The following EFR3B variants were observed in gnomAD, a reference collection of about 807,000 sequenced individuals.
EFR3B encodes the protein protein EFR3 homolog B.
A neutral mutation model predicts 104.7 loss-of-function variants in EFR3B; 64 were observed. That is an observed-to-expected ratio of 0.61 (90% CI 0.50 to 0.75). The LOEUF (loss-of-function observed/expected upper bound fraction) is 0.75. EFR3B is among the 30% of genes least tolerant of loss of function. The pLI is 0.00. For synonymous variants in EFR3B, 385 were observed against 417.9 expected, an observed-to-expected ratio of 0.92 and a Z score of 0.96; for missense variants, 750 against 1,078.5, an observed-to-expected ratio of 0.70 and a Z score of 4.27.
At chr2:25,139,719 CCTTTT>C (rs1372572374) in intron 16 of EFR3B, among the ~76,000 whole-genome samples, 1 of 152,308 alleles carries the variant, frequency 6.6e-6, no homozygotes, top group African/African-American at 2.4e-5. Context: ...TCATCTGTCT[CCTTTT>C]CTTTTCCTTT....
intron 6 of EFR3B, among the ~76,000 whole-genome samples, chr2:25,128,956 G>C (rs1401854339): frequency 1.5e-5 from 1 of 67,930 alleles, no homozygotes; most frequent in Non-Finnish European, 2.6e-5. Flanking sequence ...GCGAGACTCC[G>C]TCTCAAAAAA....
rs1336672602 is a variant in EFR3B at position 25,153,719 on chromosome 2, T to C, written c.2306T>C (p.Leu769Pro). 6.4e-7 allele frequency: 1 copy of C among 1,551,592 alleles called. No homozygotes were observed. Among genetic ancestry groups the C allele is most frequent in the Non-Finnish European group, 8.7e-7 (1 of 1,147,004 alleles). The change falls in exon 22 of 23, where the codon CTG (leucine) becomes CCG (proline). Residue 769 changes from leucine (L) to proline (P), a missense_variant. Physicochemically the swap from Leu to Pro is moderately conservative, Grantham distance 98. Transcript: ENST00000403714. ...CCGTGTGTTTGTGTCTAGGCATCGCTGCTCCAGAGCAAACTCAATCAGATC... is the reference window on the plus strand; with the variant it reads ...CCGTGTGTTTGTGTCTAGGCATCGCCGCTCCAGAGCAAACTCAATCAGATC... Reference protein sequence around the residue: ...IAAHCGARASLLQSKLNQIFE... With the variant: ...IAAHCGARASPLQSKLNQIFE...
chr2:25,140,111 G>A lies in EFR3B; in HGVS notation c.1854+921G>A, dbSNP rs778273147. 1.2e-4 allele frequency among the ~76,000 whole-genome samples: 18 copies of A among 152,198 alleles called. No individual in the cohort carries two copies. In the Middle Eastern group the frequency reaches 0.01, roughly 86 times the overall value. ...GTGGATCACTTGAGATCAGGAGTTC[G>A]AGACCAGCCTGGGCAACATGGTGAA... On this transcript the variant is annotated intron_variant, in intron 16 of 22. Coordinates refer to ENST00000403714, the MANE Select transcript of EFR3B (RefSeq NM_014971.2).
At chr2:25,122,258 C>T (rs1573218327) in intron 5 of EFR3B, among the ~76,000 whole-genome samples, 3 of 152,090 alleles carry the variant, frequency 2.0e-5, no homozygotes, top group African/African-American at 7.2e-5. Flanking sequence ...GGAGCCACTA[C>T]ACCCGGCCCC....
rs1671161621 is a variant in EFR3B, at chr2:25,156,137, G to A, written c.*1797G>A. 6.6e-6 allele frequency: 1 copy of A among 152,148 alleles called. No individual in the cohort carries two copies. Among genetic ancestry groups the A allele is most frequent in the Non-Finnish European group, 1.5e-5 (1 of 68,056 alleles). The allele number at this position is 152,148 out of a possible 1,614,324, so 9.4% of individuals were successfully genotyped here. ...GGTGGATGTATTTTCCAGAATCGGG[G>A]AGGGACTGAACACGAGCATTTCCCA... is the stretch of plus-strand genomic sequence containing the variant. On this transcript the variant is annotated 3_prime_UTR_variant, in exon 23 of 23. Coordinates refer to ENST00000403714, the MANE Select transcript of EFR3B (RefSeq NM_014971.2).
intron 4 of EFR3B, among the ~76,000 whole-genome samples, chr2:25,104,005 TAAA>T (rs1669497623): frequency 6.6e-6 from 1 of 151,218 alleles, no homozygotes; most frequent in Non-Finnish European, 1.5e-5. Flanking sequence ...AGATATATAA[TAAA>T]ATAATTTTTA....
At chr2:25,108,652 TCAAAAG>T (rs1355483109) in intron 4 of EFR3B, among the ~76,000 whole-genome samples, 1 of 152,158 alleles carries the variant, frequency 6.6e-6, no homozygotes. Flanking sequence ...AGATATGATA[TCAAAAG>T]CAAAAGCAAT....
chr2:25,131,972 G>A lies in EFR3B; in HGVS notation c.1147+61G>A, dbSNP rs1670353197. ...CGAGGCGCGGAGTGGGGAGGGGAGG[G>A]GAGGGACGGGACGGGGCCCAGGGGC... On this transcript the variant is annotated intron_variant, in intron 10 of 22. Transcript: ENST00000403714. This position sits in a 1 kb window ranked among gnomAD's most constrained non-coding sequence, Gnocchi z 7.6. 2 of 1,217,730 alleles carry A rather than the reference G, an allele frequency of 1.6e-6. No individual in the cohort carries two copies. Among genetic ancestry groups the A allele is most frequent in the Non-Finnish European group, 2.1e-6 (2 of 937,528 alleles). The allele number at this position is 1,217,730 out of a possible 1,614,324, so 75.4% of individuals were successfully genotyped here.
In EFR3B at chr2:25,130,731, C is replaced by T; in HGVS notation, c.849+101C>T. ...AAGCCAGAAGTCCCCTGTGACTCCT[C>T]CGAAGCCCCCAGTTGCCGAAACCAG... is the stretch of plus-strand genomic sequence containing the variant. On this transcript the variant is annotated intron_variant, in intron 8 of 22. Transcript: ENST00000403714. This position sits in a 1 kb window ranked among gnomAD's most constrained non-coding sequence, Gnocchi z 4.6. 4 of 1,102,300 alleles carry T rather than the reference C, an allele frequency of 3.6e-6. No individual in the cohort carries two copies. Among genetic ancestry groups the T allele is most frequent in the Non-Finnish European group, 5.4e-6 (4 of 744,880 alleles). 68.3% of individuals were successfully genotyped at this position (1,102,300 alleles called of 1,614,324 possible). A position where few individuals can be genotyped will look rare whatever the true frequency, so the allele number is the denominator to read the frequency against.
Position 25,114,251 on chromosome 2 carries a change from C to T in EFR3B, c.364-7422C>T, listed in dbSNP as rs370273350. Among the ~76,000 whole-genome samples the T allele has an allele frequency of 1.6e-4, 25 of 152,280 alleles. No homozygotes were observed. Among genetic ancestry groups the T allele is most frequent in the East Asian group, 7.8e-4 (4 of 5,160 alleles). On this transcript the variant is annotated intron_variant, in intron 4 of 22. Coordinates refer to ENST00000403714, the MANE Select transcript of EFR3B (RefSeq NM_014971.2). The surrounding 1 kb of genome is among the most constrained non-coding windows in gnomAD (Gnocchi z 4.0). ...ATTCAGGAACCACATAGGGTGGGCT[C>T]TCTAGGAGCTGCCCCAACAGGGACC... is the stretch of plus-strand genomic sequence containing the variant.
chr2:25,119,117 A>ACAGGGAGTCTTACACACT (rs1669946707), intron 4 of EFR3B, among the ~76,000 whole-genome samples: 1 of 152,142 alleles, frequency 6.6e-6, no homozygotes, highest in Non-Finnish European at 1.5e-5. Context: ...TCTTACACAC[A>ACAGGGAGTCTTACACACT]CAGGGAGTCT....
rs188982895 is a variant in EFR3B, at chr2:25,131,094, G to C, written c.850-274G>C. Among the ~76,000 whole-genome samples the C allele has an allele frequency of 3.1e-3, 470 of 152,242 alleles. 2 individuals carry two copies. Among genetic ancestry groups the C allele is most frequent in the African/African-American group, 0.011 (455 of 41,522 alleles). ...GCCGGAAAGACCTGAAGAAATGAAA[G>C]GAAGACCCTATTTTAAAATGGTCTT... is the stretch of plus-strand genomic sequence containing the variant. On this transcript the variant is annotated intron_variant, in intron 8 of 22. Transcript: ENST00000403714. The surrounding 1 kb of genome is among the most constrained non-coding windows in gnomAD (Gnocchi z 7.6).
intron 3 of EFR3B, among the ~76,000 whole-genome samples, chr2:25,094,232 C>T (rs1669212557): frequency 1.6e-5 from 2 of 125,346 alleles, no homozygotes; most frequent in Admixed American, 1.0e-4. Context: ...CTGCAGTGAG[C>T]TGTGTTTGCA....
At chr2:25,095,038 G>A (rs1301727992) in intron 3 of EFR3B, among the ~76,000 whole-genome samples, 3 of 151,954 alleles carry the variant, frequency 2.0e-5, no homozygotes, top group Non-Finnish European at 4.4e-5. Flanking sequence ...CAATCCTCCC[G>A]CCTCAGCCTG....
At chr2:25,068,417 A>G (rs1668395255) in intron 1 of EFR3B, among the ~76,000 whole-genome samples, 1 of 152,164 alleles carries the variant, frequency 6.6e-6, no homozygotes, top group Non-Finnish European at 1.5e-5. Context: ...AGCTGAGTCA[A>G]TGCAGGCTTG....
At chr2:25,043,562 A>G (rs1667635810) in intron 1 of EFR3B, among the ~76,000 whole-genome samples, 1 of 152,102 alleles carries the variant, frequency 6.6e-6, no homozygotes, top group Non-Finnish European at 1.5e-5. Context: ...ATACGTTTGC[A>G]TTTCTGATCC....
At chr2:25,077,873 C>A (rs1376034040) in intron 1 of EFR3B, among the ~76,000 whole-genome samples, 1 of 152,022 alleles carries the variant, frequency 6.6e-6, no homozygotes, top group Non-Finnish European at 1.5e-5. Flanking sequence ...AAGAGGGAAC[C>A]TTTTTGTTTT....
At chr2:25,073,554 G>A (rs10168982) in intron 1 of EFR3B, among the ~76,000 whole-genome samples, 3 of 151,812 alleles carry the variant, frequency 2.0e-5, no homozygotes, top group Non-Finnish European at 4.4e-5. Flanking sequence ...GAGGAGTTTC[G>A]CCATGTTTCC....
chr2:25,093,158 G>A, intron 3 of EFR3B, 28 bp downstream of exon 3: 1 of 1,550,114 alleles, frequency 6.5e-7, no homozygotes, highest in Non-Finnish European at 8.7e-7. Context: ...GAGGGAGAGA[G>A]ATTGTCAGGA....
Sources: gnomAD v4.1 joint callset for allele counts (sites outside exome capture counted in the v4.1 genomes callset) on GRCh38, gnomAD v4.1.1 for gene constraint, Gnocchi (gnomAD v3.1) non-coding constraint, MANE v1.5 for transcripts, NCBI Gene and HGNC (gene_info 2026-07-23, HGNC 2026-07-21) for gene names.